The following PLA2G15 variants were observed in gnomAD, a reference collection of about 807,000 sequenced individuals.
PLA2G15 encodes the protein lysosomal phospholipase A and acyltransferase.
Under a neutral mutation model 40.9 loss-of-function variants are expected in PLA2G15, and 20 were observed. That is an observed-to-expected ratio of 0.49 (90% CI 0.34 to 0.71). PLA2G15 has a LOEUF of 0.71. PLA2G15 is among the 30% of genes least tolerant of loss of function. The pLI, the probability that PLA2G15 is intolerant of heterozygous loss-of-function variation, is 0.01. For missense variants in PLA2G15, 471 were observed against 541.9 expected, an observed-to-expected ratio of 0.87 and a Z score of 1.30; for synonymous variants, 223 against 228.2, an observed-to-expected ratio of 0.98 and a Z score of 0.21.
intron 1 of PLA2G15, chr16:68,248,584 A>G: frequency 1.3e-5 from 3 of 229,716 alleles, no homozygotes; most frequent in South Asian, 8.9e-5. Flanking sequence ...ATGGGCTTTC[A>G]CCATATTGGC....
intron 5 of PLA2G15, among the ~76,000 whole-genome samples, chr16:68,258,340 G>C (rs1489686402): frequency 6.6e-6 from 1 of 152,206 alleles, no homozygotes; most frequent in Non-Finnish European, 1.5e-5. Flanking sequence ...AAAAGGGAAA[G>C]CAGAACATGT....
At chr16:68,247,715 C>T (rs948743270) in intron 1 of PLA2G15, among the ~76,000 whole-genome samples, 1 of 152,226 alleles carries the variant, frequency 6.6e-6, no homozygotes, top group Admixed American at 6.5e-5. Context: ...CTCATGGCAC[C>T]CTGAAGACAC....
rs62057378 is a variant in PLA2G15, at chr16:68,258,653, C to T, written c.728-493C>T. On this transcript the variant is annotated intron_variant, in intron 5 of 5. Coordinates refer to ENST00000219345, the MANE Select transcript of PLA2G15 (RefSeq NM_012320.4). ...CATTTTTAGCCCAGGCGTGGTGGGACGTGCTTGTAGTTCCAGCTATGCAGG... is the reference window on the plus strand; with the variant it reads ...CATTTTTAGCCCAGGCGTGGTGGGATGTGCTTGTAGTTCCAGCTATGCAGG... Among the ~76,000 whole-genome samples the T allele has an allele frequency of 9.7e-3, 1,475 of 152,156 alleles. 12 individuals carry two copies. The highest frequency in any genetic ancestry group is 0.015 in the Non-Finnish European group (1,002 of 67,998).
rs2042432718 is a variant in PLA2G15, at chr16:68,259,934, A to G, written c.*277A>G. ...CCTTAGGACTGGCTCCACAGGGTGG[A>G]CTGGCTGGGCCCTGGTCCCAGTCCC... On this transcript the variant is annotated 3_prime_UTR_variant, in exon 6 of 6. Coordinates refer to ENST00000219345, the MANE Select transcript of PLA2G15 (RefSeq NM_012320.4). This position sits in a 1 kb window ranked among gnomAD's most constrained non-coding sequence, Gnocchi z 6.5. The G allele has an allele frequency of 1.2e-5, 6 of 494,768 alleles. No individual in the cohort carries two copies. The East Asian group carries it at 1.5e-4, about 12-fold the overall frequency. The allele number at this position is 494,768 out of a possible 1,614,324, so 30.6% of individuals were successfully genotyped here. A position where few individuals can be genotyped will look rare whatever the true frequency, so the allele number is the denominator to read the frequency against.
chr16:68,249,851 TG>T (rs1223698477), intron 2 of PLA2G15, among the ~76,000 whole-genome samples: 2 of 152,082 alleles, frequency 1.3e-5, no homozygotes, highest in Non-Finnish European at 1.5e-5. Context: ...GCTAATTTTT[TG>T]TATTTTTAGT....
rs2042388937 is a variant in PLA2G15, at chr16:68,255,010, T to C, written c.376T>C (p.Phe126Leu). The change falls in exon 3 of 6, where the codon TTC becomes CTC. Residue 126 changes from phenylalanine (F) to leucine (L), a missense_variant. Physicochemically the swap from Phe to Leu is conservative, Grantham distance 22 (BLOSUM62 0). Transcript: ENST00000219345. The surrounding 1 kb of genome is among the most constrained non-coding windows in gnomAD (Gnocchi z 5.9). Reference sequence around the variant, plus strand: ...CTTTGGGAAGACCTTCTCACTGGAGTTCCTGGACCCCAGCAAAAGCAGCGT... The same window carrying C: ...CTTTGGGAAGACCTTCTCACTGGAGCTCCTGGACCCCAGCAAAAGCAGCGT... ...PGFGKTFSLE[F>L]LDPSKSSVGS... 6.2e-7 allele frequency: 1 copy of C among 1,613,174 alleles called. No individual in the cohort carries two copies. The highest frequency in any genetic ancestry group is 8.5e-7 in the Non-Finnish European group (1 of 1,179,410).
intron 2 of PLA2G15, chr16:68,252,396 G>T (rs760641640): frequency 1.2e-5 from 4 of 327,512 alleles, no homozygotes; most frequent in Non-Finnish European, 2.4e-5. Context: ...CTTCTTCAGT[G>T]TGTGGCGAGG....
rs1555528322 is a variant in PLA2G15 at position 68,254,311 on chromosome 16, T to TTTTTTTTA, written c.285-605_285-604insTTTTATTT. 24 of 139,670 alleles carry TTTTTTTTA rather than the reference T, an allele frequency of 1.7e-4. No individual in the cohort carries two copies. The East Asian group carries it at 2.1e-3, about 12-fold the overall frequency. The allele number at this position is 139,670 out of a possible 1,614,324, so 8.7% of individuals were successfully genotyped here. ...AATTACTCTGATCTGTGCTTTTTAT[T>TTTTTTTTA]TTTATTTATTTATTTATTTATTTAT... On this transcript the variant is annotated intron_variant, in intron 2 of 5. Coordinates refer to ENST00000219345, the MANE Select transcript of PLA2G15 (RefSeq NM_012320.4).
intron 1 of PLA2G15, among the ~76,000 whole-genome samples, chr16:68,248,973 A>G (rs116242209): frequency 7.6e-4 from 116 of 152,268 alleles, no homozygotes; most frequent in African/African-American, 2.7e-3. Context: ...CAGGAGACTT[A>G]CTTTATCTGG....
In PLA2G15 at chr16:68,260,766, C is replaced by T. The variant is rs2042441659; in HGVS notation, c.*1109C>T. 1 of 152,240 alleles carries T rather than the reference C, an allele frequency of 6.6e-6. No homozygotes were observed. The highest frequency in any genetic ancestry group is 2.1e-4 in the South Asian group (1 of 4,834). 9.4% of individuals were successfully genotyped at this position (152,240 alleles called of 1,614,324 possible). ...GCTTTCTGTCTGCCCCAGGGTGCTCCATGGATCTCCCTGTGGCAGCAGGCA... is the reference window on the plus strand; with the variant it reads ...GCTTTCTGTCTGCCCCAGGGTGCTCTATGGATCTCCCTGTGGCAGCAGGCA... On this transcript the variant is annotated 3_prime_UTR_variant, in exon 6 of 6. Coordinates refer to ENST00000219345, the MANE Select transcript of PLA2G15 (RefSeq NM_012320.4).
intron 2 of PLA2G15, among the ~76,000 whole-genome samples, chr16:68,251,599 T>C (rs2042355144): frequency 6.6e-6 from 1 of 152,096 alleles, no homozygotes; most frequent in Non-Finnish European, 1.5e-5. Flanking sequence ...GGAGAAACGC[T>C]TGAACCTGGG....
rs117710366 is a variant in PLA2G15, at chr16:68,253,922, C to T, written c.285-997C>T. Among the ~76,000 whole-genome samples the T allele has an allele frequency of 2.5e-3, 379 of 152,134 alleles. 1 individual carries two copies. Among genetic ancestry groups the T allele is most frequent in the Non-Finnish European group, 4.7e-3 (318 of 67,980 alleles). On this transcript the variant is annotated intron_variant, in intron 2 of 5. Transcript: ENST00000219345. ...CAGGCTGGCCTTGAACTCCTGGCCTCAAGCATTCCTCCCACCTTGGCCTTG... is the reference window on the plus strand; with the variant it reads ...CAGGCTGGCCTTGAACTCCTGGCCTTAAGCATTCCTCCCACCTTGGCCTTG...
In PLA2G15 at chr16:68,255,174, T is replaced by G; in HGVS notation, c.404-108T>G. Reference sequence around the variant, plus strand: ...TGATCAGCGTGGGCACAGAGCCCTGTAGCATTCTTCCAAGGACCTGCTAGC... The same window carrying G: ...TGATCAGCGTGGGCACAGAGCCCTGGAGCATTCTTCCAAGGACCTGCTAGC... On this transcript the variant is annotated intron_variant, in intron 3 of 5. Transcript: ENST00000219345. This position sits in a 1 kb window ranked among gnomAD's most constrained non-coding sequence, Gnocchi z 5.9. 3.0e-6 allele frequency: 3 copies of G among 1,002,096 alleles called. No homozygotes were observed. Among genetic ancestry groups the G allele is most frequent in the Middle Eastern group, 2.1e-4 (1 of 4,872 alleles). 62.1% of individuals were successfully genotyped at this position (1,002,096 alleles called of 1,614,324 possible).
At position 68,249,465 on chromosome 16, in the gene PLA2G15, A is replaced by G. The variant is rs2042336287; in HGVS notation, c.284+19A>G. Reference sequence around the variant, plus strand: ...ATATCAGGTGGGGGCTGGGGCACACAGAGGGGGGTGCTGCTCACCAACAGT... The same window carrying G: ...ATATCAGGTGGGGGCTGGGGCACACGGAGGGGGGTGCTGCTCACCAACAGT... On this transcript the variant is annotated intron_variant, in intron 2 of 5. Transcript: ENST00000219345. The G allele has an allele frequency of 5.0e-6, 8 of 1,612,056 alleles. No homozygotes were observed. Among genetic ancestry groups the G allele is most frequent in the Admixed American group, 1.7e-5 (1 of 59,994 alleles).
intron 5 of PLA2G15, among the ~76,000 whole-genome samples, chr16:68,256,626 T>C (rs555627791): frequency 6.6e-6 from 1 of 152,128 alleles, no homozygotes; most frequent in African/African-American, 2.4e-5. Flanking sequence ...CGATTCTGCC[T>C]CAGCCTCCTG....
At chr16:68,254,287 A>G (rs951603635) in intron 2 of PLA2G15, 2 of 150,768 alleles carry the variant, frequency 1.3e-5, no homozygotes, top group Non-Finnish European at 3.0e-5. Flanking sequence ...TTTGGATGTA[A>G]TTACTCTGAT....
intron 1 of PLA2G15, among the ~76,000 whole-genome samples, chr16:68,247,065 G>T (rs1050689082): frequency 6.6e-6 from 1 of 152,160 alleles, no homozygotes; most frequent in Non-Finnish European, 1.5e-5. Flanking sequence ...CACAGCAGAA[G>T]AGCCTCAGAC....
rs765642175 is a variant in PLA2G15 at position 68,255,062 on chromosome 16, C to T, written c.403+25C>T. On this transcript the variant is annotated intron_variant, in intron 3 of 5. Transcript: ENST00000219345. The surrounding 1 kb of genome is among the most constrained non-coding windows in gnomAD (Gnocchi z 5.9). ...GGTATGTAGCCCTTACTCAAGGCCTCCGGGAGCTGGGATGGGGTTTCTGCC... is the reference window on the plus strand; with the variant it reads ...GGTATGTAGCCCTTACTCAAGGCCTTCGGGAGCTGGGATGGGGTTTCTGCC... 4 of 1,470,914 alleles carry T rather than the reference C, an allele frequency of 2.7e-6. No homozygotes were observed. Among genetic ancestry groups the T allele is most frequent in the Non-Finnish European group, 2.9e-6 (3 of 1,049,990 alleles). The allele number at this position is 1,470,914 out of a possible 1,614,324, so 91.1% of individuals were successfully genotyped here.
In PLA2G15 at chr16:68,259,697, T is replaced by C. The variant is rs780812143; in HGVS notation, c.*40T>C. 6.3e-7 allele frequency: 1 copy of C among 1,584,976 alleles called. No individual in the cohort carries two copies. The highest frequency in any genetic ancestry group is 8.6e-7 in the Non-Finnish European group (1 of 1,164,300). On this transcript the variant is annotated 3_prime_UTR_variant, in exon 6 of 6. Transcript: ENST00000219345. This position sits in a 1 kb window ranked among gnomAD's most constrained non-coding sequence, Gnocchi z 6.5. Reference sequence around the variant, plus strand: ...GACTCCTGTGGCTCGGCCGTGGACCTGCTGTTGGCCTCTGGGGCTGTCATG... The same window carrying C: ...GACTCCTGTGGCTCGGCCGTGGACCCGCTGTTGGCCTCTGGGGCTGTCATG...
Sources: allele counts gnomAD v4.1 joint callset (sites outside exome capture counted in the v4.1 genomes callset), GRCh38; gene constraint gnomAD v4.1.1; non-coding constraint Gnocchi (gnomAD v3.1); transcripts MANE v1.5; gene names NCBI Gene and HGNC (gene_info 2026-07-23, HGNC 2026-07-21).